Variants in UGT1A9 observed in about 807,000 individuals in gnomAD.
UGT1A9 encodes UDP-glucuronosyltransferase 1A9.
UGT1A9 carries 35 observed loss-of-function variants against 45.0 expected under a neutral mutation model. The ratio of observed to expected loss-of-function variants is 0.78; its 90% CI spans 0.59 to 1.03. UGT1A9 has a LOEUF of 1.03. Among genes scored for constraint, UGT1A9 ranks in the 50% least tolerant of loss-of-function variants. The pLI is 0.00. For missense variants in UGT1A9, 687 were observed against 666.6 expected, an observed-to-expected ratio of 1.03 and a Z score of -0.34; for synonymous variants, 278 against 250.6, an observed-to-expected ratio of 1.11 and a Z score of -1.03.
chr2:233,746,072 G>A (rs1693292846), intron 1 of UGT1A9, among the ~76,000 whole-genome samples: 2 of 151,808 alleles, frequency 1.3e-5, no homozygotes, highest in Admixed American at 6.6e-5. Flanking sequence ...AAAGAGAAGA[G>A]GAGTCACTTC....
At chr2:233,758,025 T>G (rs1696779079) in intron 1 of UGT1A9, among the ~76,000 whole-genome samples, 1 of 152,184 alleles carries the variant, frequency 6.6e-6, no homozygotes, top group Non-Finnish European at 1.5e-5. Context: ...TCTGTCTACC[T>G]GACCCCTCCT....
chr2:233,681,129 G>T (rs1682308807), intron 1 of UGT1A9, among the ~76,000 whole-genome samples: 1 of 151,676 alleles, frequency 6.6e-6, no homozygotes, highest in South Asian at 2.1e-4. Context: ...CAGAGACACA[G>T]GTGAGCCGCA....
chr2:233,718,635 G>A, intron 1 of UGT1A9: 1 of 1,459,820 alleles, frequency 6.9e-7, no homozygotes, highest in Non-Finnish European at 9.2e-7. Flanking sequence ...TCTTTCCCAG[G>A]GTTGGGCCCA....
chr2:233,686,052 G>A (rs1358564597), intron 1 of UGT1A9, among the ~76,000 whole-genome samples: 1 of 152,154 alleles, frequency 6.6e-6, no homozygotes, highest in Non-Finnish European at 1.5e-5. Flanking sequence ...GCAAAGAATA[G>A]TGTCTTCAGC....
intron 1 of UGT1A9, chr2:233,718,687 G>C (rs878940196): frequency 1.1e-5 from 18 of 1,583,966 alleles, no homozygotes; most frequent in Admixed American, 9.0e-5. Context: ...TAAGTAACTG[G>C]AGGAGGGCAC....
chr2:233,713,977 CATT>C (rs2076359856), intron 1 of UGT1A9: 15 of 1,595,186 alleles, frequency 9.4e-6, no homozygotes, highest in African/African-American at 5.4e-5. Context: ...TTCTGCTTCT[CATT>C]GTTGTAATAG....
At chr2:233,752,528 TC>T (rs1436450769) in intron 1 of UGT1A9, 1 of 152,210 alleles carries the variant, frequency 6.6e-6, no homozygotes, top group African/African-American at 2.4e-5. Context: ...TTCTAAAAAT[TC>T]TTTAAATAAA....
intron 1 of UGT1A9, among the ~76,000 whole-genome samples, chr2:233,749,118 C>G (rs1694113620): frequency 6.6e-6 from 1 of 151,770 alleles, no homozygotes; most frequent in Non-Finnish European, 1.5e-5. Context: ...CTTTTTATGT[C>G]ATATTCACTG....
chr2:233,772,784 A>G lies in UGT1A9; in HGVS notation c.*225A>G. ...CGTGCCCCCTCTGGTGTCTTTGATCAGGATGACATGTGCCATTTTTCAGAG... is the reference window on the plus strand; with the variant it reads ...CGTGCCCCCTCTGGTGTCTTTGATCGGGATGACATGTGCCATTTTTCAGAG... On this transcript the variant is annotated 3_prime_UTR_variant, in exon 5 of 5. Transcript: ENST00000354728. 1 of 1,271,314 alleles carries G rather than the reference A, an allele frequency of 7.9e-7. No homozygotes were observed. Among genetic ancestry groups the G allele is most frequent in the Non-Finnish European group, 1.0e-6 (1 of 961,544 alleles). 78.8% of individuals were successfully genotyped at this position (1,271,314 alleles called of 1,614,324 possible).
At chr2:233,716,338 G>A (rs561710355) in intron 1 of UGT1A9, among the ~76,000 whole-genome samples, 6 of 152,144 alleles carry the variant, frequency 3.9e-5, no homozygotes, top group African/African-American at 1.2e-4. Context: ...CCAGGTTTGC[G>A]CAACTACAAT....
chr2:233,677,547 T>A (rs1038563054), intron 1 of UGT1A9, among the ~76,000 whole-genome samples: 2 of 152,066 alleles, frequency 1.3e-5, no homozygotes, highest in African/African-American at 4.8e-5. Flanking sequence ...GAAAAGAAAA[T>A]GTTATTAAAA....
At chr2:233,725,263 A>AGGC (rs1472327737) in intron 1 of UGT1A9, among the ~76,000 whole-genome samples, 4 of 34,258 alleles carry the variant, frequency 1.2e-4, no homozygotes, top group Non-Finnish European at 2.1e-4. Flanking sequence ...GCAGAGGCAG[A>AGGC]GGAGGCAGAG....
chr2:233,686,821 T>G, intron 1 of UGT1A9, among the ~76,000 whole-genome samples: 1 of 152,154 alleles, frequency 6.6e-6, no homozygotes, highest in East Asian at 1.9e-4. Context: ...CCTACCTATT[T>G]TATTCCTCTT....
At chr2:233,724,520 T>A (rs200973045) in intron 1 of UGT1A9, among the ~76,000 whole-genome samples, 1 of 103,540 alleles carries the variant, frequency 9.7e-6, no homozygotes, top group African/African-American at 4.1e-5. Flanking sequence ...ACCTCCCAGA[T>A]GGGGTCTCGC....
chr2:233,713,382 C>G lies in UGT1A9; in HGVS notation c.855+40593C>G, dbSNP rs201021989. 48 of 1,614,012 alleles carry G rather than the reference C, an allele frequency of 3.0e-5. No homozygotes were observed. The highest frequency in any genetic ancestry group is 4.0e-5 in the Non-Finnish European group (47 of 1,180,030). ...GATCATACATAGGTCTTGTGTGGAG[C>G]TACTGCATAATGAGGCCCTGATCAG... On this transcript the variant is annotated intron_variant, in intron 1 of 4. Coordinates refer to ENST00000354728, the MANE Select transcript of UGT1A9 (RefSeq NM_021027.3).
intron 4 of UGT1A9, chr2:233,770,673 A>G (rs1176637451): frequency 6.6e-6 from 1 of 152,078 alleles, no homozygotes; most frequent in African/African-American, 2.4e-5. Context: ...AAAAAAAAAA[A>G]AAGAAGGTTC....
At chr2:233,698,869 C>T (rs746401126) in intron 1 of UGT1A9, among the ~76,000 whole-genome samples, 4 of 152,218 alleles carry the variant, frequency 2.6e-5, no homozygotes, top group Admixed American at 1.3e-4. Context: ...TGTGACTTTG[C>T]GACTTTGACC....
chr2:233,724,847 C>T (rs1352664169), intron 1 of UGT1A9, among the ~76,000 whole-genome samples: 1 of 131,490 alleles, frequency 7.6e-6, no homozygotes, highest in Non-Finnish European at 1.6e-5. Flanking sequence ...CCAAGGCAGG[C>T]GGCTGGGAGG....
chr2:233,694,924 A>C (rs17864690), intron 1 of UGT1A9, among the ~76,000 whole-genome samples: 9,219 of 152,270 alleles, frequency 0.061, 475 homozygotes, highest in African/African-American at 0.14. Flanking sequence ...ATGTGCGATG[A>C]TCAAATCAGG....
Sources: gnomAD v4.1 joint callset for allele counts (sites outside exome capture counted in the v4.1 genomes callset) on GRCh38, gnomAD v4.1.1 for gene constraint, MANE v1.5 for transcripts, NCBI Gene and HGNC (gene_info 2026-07-23, HGNC 2026-07-21) for gene names.